ANO6: variants seen among roughly 807,000 people sequenced by gnomAD.
ANO6 encodes anoctamin 6.
Under a neutral mutation model 117.5 loss-of-function variants are expected in ANO6, and 106 were observed. The ratio of observed to expected loss-of-function variants is 0.90; its 90% CI spans 0.77 to 1.06. The LOEUF (loss-of-function observed/expected upper bound fraction) is 1.06, where lower values mean the gene tolerates loss of function less well. Ranked by LOEUF, ANO6 falls within the 50% of genes least tolerant of loss-of-function variation. ANO6 has a pLI of 0.00. For synonymous variants in ANO6, 367 were observed against 385.1 expected, an observed-to-expected ratio of 0.95 and a Z score of 0.55; for missense variants, 955 against 1,121.1, an observed-to-expected ratio of 0.85 and a Z score of 2.12.
intron 1 of ANO6, among the ~76,000 whole-genome samples, chr12:45,275,022 A>G (rs1282154756): frequency 1.3e-5 from 2 of 151,798 alleles, no homozygotes; most frequent in Non-Finnish European, 2.9e-5. Flanking sequence ...TGTTGTCTCT[A>G]TCCCAGTAGA....
intron 3 of ANO6, among the ~76,000 whole-genome samples, chr12:45,346,561 C>T (rs568627785): frequency 6.6e-6 from 1 of 152,182 alleles, no homozygotes; most frequent in East Asian, 1.9e-4. Context: ...GCAGGGATGA[C>T]GCATACACAT....
intron 2 of ANO6, among the ~76,000 whole-genome samples, chr12:45,319,433 T>C: frequency 6.6e-6 from 1 of 152,252 alleles, no homozygotes; most frequent in East Asian, 1.9e-4. Flanking sequence ...GATTTGTATA[T>C]GTTGAACCAG....
chr12:45,423,078 T>C lies in ANO6; in HGVS notation c.2526+16T>C. ...TGTCATGGAGGTAGGAAAAGTATGC[T>C]TTCAAACAGTTTATAAGGATGTGTA... is the stretch of plus-strand genomic sequence containing the variant. On this transcript the variant is annotated intron_variant, in intron 19 of 19. Transcript: ENST00000320560. 1.3e-6 allele frequency: 2 copies of C among 1,567,328 alleles called. No homozygotes were observed. Among genetic ancestry groups the C allele is most frequent in the Non-Finnish European group, 1.8e-6 (2 of 1,137,464 alleles).
In ANO6 at chr12:45,348,056, A is replaced by C. The variant is rs1941184889; in HGVS notation, c.374A>C (p.Lys125Thr). The C allele has an allele frequency of 6.2e-7, 1 of 1,613,846 alleles. No homozygotes were observed. Among genetic ancestry groups the C allele is most frequent in the African/African-American group, 1.3e-5 (1 of 74,906 alleles). ...TTGGATGACAAGCTTGTATTTGTAA[A>C]AGTACACGCACCATGGGAGGTGTTA... is the stretch of plus-strand genomic sequence containing the variant. ...SVLDDKLVFVKVHAPWEVLCT... is the reference protein window; with the variant it reads ...SVLDDKLVFVTVHAPWEVLCT... Residue 125 changes from lysine to threonine, a missense_variant, in exon 5 of 20, where the codon AAA (lysine) becomes ACA (threonine). Transcript: ENST00000320560.
chr12:45,250,726 T>TA (rs1947888436), intron 1 of ANO6, among the ~76,000 whole-genome samples: 1 of 125,576 alleles, frequency 8.0e-6, no homozygotes, highest in Admixed American at 8.7e-5. Flanking sequence ...ATGGAGAAGA[T>TA]ACAGTACAGC....
At position 45,331,395 on chromosome 12, in the gene ANO6, A is replaced by G. The variant is rs750571136; in HGVS notation, c.251A>G (p.Asn84Ser). 1.2e-6 allele frequency: 2 copies of G among 1,607,530 alleles called. No individual in the cohort carries two copies. The highest frequency in any genetic ancestry group is 2.2e-5 in the South Asian group (2 of 89,330). Residue 84 changes from asparagine (N) to serine (S), a missense_variant, in exon 3 of 20, where the codon AAT becomes AGT. By Grantham distance (46) the Asn-to-Ser change is conservative. Transcript: ENST00000320560. ...VYEDESRKETNKKGTNEKQRR... is the reference protein window; with the variant it reads ...VYEDESRKETSKKGTNEKQRR... ...GAGGATGAAAGCAGAAAAGAGACCA[A>G]TAAAAAGGGTACAAATGAAAAACAA... is the stretch of plus-strand genomic sequence containing the variant.
intron 9 of ANO6, among the ~76,000 whole-genome samples, chr12:45,375,147 GA>G: frequency 6.6e-6 from 1 of 152,258 alleles, no homozygotes; most frequent in Non-Finnish European, 1.5e-5. Context: ...CAACTTACAA[GA>G]GATGTGAAGG....
chr12:45,350,183 A>G (rs987208943), intron 6 of ANO6, among the ~76,000 whole-genome samples: 2 of 152,220 alleles, frequency 1.3e-5, no homozygotes, highest in African/African-American at 4.8e-5. Flanking sequence ...TGTTTTCTGT[A>G]TGTTATCACA....
chr12:45,227,986 C>G (rs1254371402), intron 1 of ANO6, among the ~76,000 whole-genome samples: 1 of 152,168 alleles, frequency 6.6e-6, no homozygotes, highest in Non-Finnish European at 1.5e-5. Flanking sequence ...TAGGGGGAAT[C>G]TCTTTCAGGG....
intron 2 of ANO6, among the ~76,000 whole-genome samples, chr12:45,323,177 C>G (rs1191909329): frequency 6.6e-6 from 1 of 152,160 alleles, no homozygotes; most frequent in Non-Finnish European, 1.5e-5. Flanking sequence ...TTAACATATT[C>G]TATTCTTTTG....
intron 1 of ANO6, among the ~76,000 whole-genome samples, chr12:45,234,271 A>G (rs199504058): frequency 3.3e-5 from 5 of 152,202 alleles, no homozygotes; most frequent in African/African-American, 1.2e-4. Flanking sequence ...ATTCATTCTG[A>G]GGATTATTGC....
exon 20 of ANO6, chr12:45,439,993 T>A (rs1224719342): frequency 1.4e-6 from 2 of 1,426,322 alleles, no homozygotes; most frequent in African/African-American, 2.9e-5. Flanking sequence ...GTGGCCAGCA[T>A]TGTTTCATGT....
chr12:45,317,113 G>GTGTGTGTGTGTA, intron 2 of ANO6, among the ~76,000 whole-genome samples: 2 of 66,486 alleles, frequency 3.0e-5, no homozygotes, highest in African/African-American at 8.2e-5. Flanking sequence ...CTTTTTATAT[G>GTGTGTGTGTGTA]TATATATATA....
At chr12:45,376,676 G>A (rs1237455238) in intron 9 of ANO6, among the ~76,000 whole-genome samples, 2 of 146,816 alleles carry the variant, frequency 1.4e-5, no homozygotes, top group Non-Finnish European at 3.0e-5. Flanking sequence ...CACAGGAAGG[G>A]GAACATCACA....
intron 9 of ANO6, among the ~76,000 whole-genome samples, chr12:45,371,343 C>T (rs1941828994): frequency 6.6e-6 from 1 of 152,220 alleles, no homozygotes; most frequent in African/African-American, 2.4e-5. Flanking sequence ...GAAGCTCGAA[C>T]TTGGTGGACC....
chr12:45,246,266 A>G (rs529031828), intron 1 of ANO6, among the ~76,000 whole-genome samples: 1 of 152,336 alleles, frequency 6.6e-6, no homozygotes, highest in South Asian at 2.1e-4. Flanking sequence ...TTCATAAGCC[A>G]CAGTTTGGAG....
intron 3 of ANO6, among the ~76,000 whole-genome samples, chr12:45,341,851 C>CT (rs1251469178): frequency 4.1e-4 from 62 of 151,088 alleles, no homozygotes; most frequent in African/African-American, 1.2e-3. Flanking sequence ...GAGAGAATTT[C>CT]TTTTTTTTTA....
rs530203627 is a variant in ANO6 at position 45,247,083 on chromosome 12, G to A, written c.70+30692G>A. Among the ~76,000 whole-genome samples, 8 of 152,004 alleles carry A rather than the reference G, an allele frequency of 5.3e-5. No individual in the cohort carries two copies. The South Asian group carries it at 6.2e-4, about 12-fold the overall frequency. On this transcript the variant is annotated intron_variant, in intron 1 of 19. Transcript: ENST00000320560. The stretch of plus-strand genomic sequence containing the variant: ...TGGGACTACAGACGTTCGCCACCAC[G>A]ACTGGCTAATTTTTGTGTTTTTAGT...
intron 10 of ANO6, among the ~76,000 whole-genome samples, chr12:45,384,119 C>A (rs1446606755): frequency 1.3e-5 from 2 of 152,224 alleles, no homozygotes; most frequent in Non-Finnish European, 2.9e-5. Context: ...GAGATGATTT[C>A]TTTCCTTAAA....
Sources: gnomAD v4.1 joint callset for allele counts (sites outside exome capture counted in the v4.1 genomes callset) on GRCh38, gnomAD v4.1.1 for gene constraint, MANE v1.5 for transcripts, NCBI Gene and HGNC (gene_info 2026-07-23, HGNC 2026-07-21) for gene names.